DPP10: variants seen among roughly 807,000 people sequenced by gnomAD.
DPP10 encodes inactive dipeptidyl peptidase 10.
In DPP10, 33 loss-of-function variants were observed where a neutral mutation model predicts 120.9. The observed-to-expected ratio is 0.27, with a 90% CI of 0.21 to 0.37. The LOEUF is 0.37. Ranked by LOEUF, DPP10 falls within the 10% of genes least tolerant of loss-of-function variation. DPP10 has a pLI of 1.00. For synonymous variants in DPP10, 337 were observed against 326.1 expected, an observed-to-expected ratio of 1.03 and a Z score of -0.36; for missense variants, 816 against 942.8, an observed-to-expected ratio of 0.87 and a Z score of 1.76.
intron 1 of DPP10, among the ~76,000 whole-genome samples, chr2:114,825,935 T>C (rs1382446209): frequency 1.3e-5 from 2 of 152,198 alleles, no homozygotes; most frequent in African/African-American, 4.8e-5. Context: ...TTCTATTTTC[T>C]ACAAAGCTGT....
At chr2:115,315,299 A>G (rs2061742062) in intron 2 of DPP10, among the ~76,000 whole-genome samples, 1 of 151,766 alleles carries the variant, frequency 6.6e-6, no homozygotes, top group South Asian at 2.1e-4. Flanking sequence ...ACACACATAC[A>G]TCTATATGTA....
chr2:114,540,030 T>C (rs1008198066), intron 1 of DPP10, among the ~76,000 whole-genome samples: 1 of 152,182 alleles, frequency 6.6e-6, no homozygotes, highest in Non-Finnish European at 1.5e-5. Context: ...TTTTTAGTAT[T>C]AAAGTACATA....
chr2:115,836,822 C>T, intron 24 of DPP10, 76 bp downstream of exon 24: 1 of 1,370,382 alleles, frequency 7.3e-7, no homozygotes, highest in Non-Finnish European at 1.0e-6. Context: ...GACTTGCTTA[C>T]AGGAAGCCCT....
chr2:115,173,356 G>A lies in DPP10; in HGVS notation c.61-135883G>A, dbSNP rs75653438. ...GCAATTTTAGTTAAGGAAAACACAGGACAAAGCCATCATGATATAAAATTG... is the reference window on the plus strand; with the variant it reads ...GCAATTTTAGTTAAGGAAAACACAGAACAAAGCCATCATGATATAAAATTG... On this transcript the variant is annotated intron_variant, in intron 1 of 25. Coordinates refer to ENST00000410059, the MANE Select transcript of DPP10 (RefSeq NM_020868.6). Among the ~76,000 whole-genome samples, 769 of 152,126 alleles carry A rather than the reference G, an allele frequency of 5.1e-3. 6 individuals are homozygous for A. Among genetic ancestry groups the A allele is most frequent in the African/African-American group, 0.018 (746 of 41,532 alleles).
At chr2:114,557,628 T>C (rs1157900296) in intron 1 of DPP10, among the ~76,000 whole-genome samples, 2 of 152,162 alleles carry the variant, frequency 1.3e-5, no homozygotes, top group Non-Finnish European at 2.9e-5. Flanking sequence ...TGGGAAGGTG[T>C]CCAGAGATTG....
chr2:115,718,637 T>A (rs976110914), intron 7 of DPP10, among the ~76,000 whole-genome samples: 6 of 152,208 alleles, frequency 3.9e-5, no homozygotes, highest in Non-Finnish European at 5.9e-5. Context: ...TGGTTTTATT[T>A]TTCCTTATTC....
intron 5 of DPP10, among the ~76,000 whole-genome samples, chr2:115,558,638 GTA>G (rs1387218067): frequency 6.6e-6 from 1 of 152,032 alleles, no homozygotes; most frequent in Non-Finnish European, 1.5e-5. Context: ...ACTCATTATA[GTA>G]TATTCTACTT....
chr2:115,283,411 ATTC>A (rs927925987), intron 1 of DPP10, among the ~76,000 whole-genome samples: 1 of 152,008 alleles, frequency 6.6e-6, no homozygotes, highest in Non-Finnish European at 1.5e-5. Context: ...ACATTGGCTA[ATTC>A]TTCTCATACT....
chr2:114,466,167 G>A (rs1549731), intron 1 of DPP10, among the ~76,000 whole-genome samples: 3,103 of 152,200 alleles, frequency 0.02, 93 homozygotes, highest in African/African-American at 0.071. Flanking sequence ...ACTAAAACTT[G>A]TTTGGGAGAG....
intron 5 of DPP10, among the ~76,000 whole-genome samples, chr2:115,574,860 G>T (rs941437223): frequency 6.6e-6 from 1 of 152,086 alleles, no homozygotes; most frequent in Non-Finnish European, 1.5e-5. Flanking sequence ...AGTGTTGTCC[G>T]TGGCGGCTTG....
chr2:115,414,623 C>A (rs116008662), intron 3 of DPP10, among the ~76,000 whole-genome samples: 337 of 152,146 alleles, frequency 2.2e-3, no homozygotes, highest in Non-Finnish European at 3.9e-3. Context: ...ACATTTTGAG[C>A]GTGATATGTA....
intron 21 of DPP10, among the ~76,000 whole-genome samples, chr2:115,818,657 G>T (rs553117667): frequency 1.3e-5 from 2 of 152,268 alleles, no homozygotes; most frequent in East Asian, 3.9e-4. Flanking sequence ...GTTATTAGAA[G>T]AATGATAGGC....
At chr2:115,362,119 T>C (rs1434370397) in intron 3 of DPP10, among the ~76,000 whole-genome samples, 1 of 152,194 alleles carries the variant, frequency 6.6e-6, no homozygotes, top group Non-Finnish European at 1.5e-5. Context: ...TCAATTCGAA[T>C]GAGCCATTGA....
chr2:114,726,508 G>A (rs533783812), intron 1 of DPP10, among the ~76,000 whole-genome samples: 2 of 152,284 alleles, frequency 1.3e-5, no homozygotes, highest in East Asian at 1.9e-4. Flanking sequence ...AGTTAGGCCT[G>A]GTGGCACTGC....
At chr2:114,794,215 G>A (rs1353267022) in intron 1 of DPP10, among the ~76,000 whole-genome samples, 1 of 152,082 alleles carries the variant, frequency 6.6e-6, no homozygotes, top group Non-Finnish European at 1.5e-5. Flanking sequence ...TTGTCTAGAT[G>A]TGACTTTTGG....
At chr2:114,646,159 C>CAAATAAATAAATAAATAAAT (rs3029136) in intron 1 of DPP10, among the ~76,000 whole-genome samples, 2 of 140,724 alleles carry the variant, frequency 1.4e-5, no homozygotes, top group African/African-American at 2.7e-5. Flanking sequence ...GCCTCAGTCT[C>CAAATAAATAAATAAATAAAT]AAATAAATAA....
chr2:115,524,190 C>G (rs924008540), intron 4 of DPP10, among the ~76,000 whole-genome samples: 5 of 152,108 alleles, frequency 3.3e-5, no homozygotes, highest in Non-Finnish European at 7.4e-5. Context: ...AGTTAAGGAG[C>G]TCAATTCCCC....
In DPP10 at chr2:115,548,765, T is replaced by C. The variant is rs367545040; in HGVS notation, c.441+22793T>C. On this transcript the variant is annotated intron_variant, in intron 5 of 25. Coordinates refer to ENST00000410059, the MANE Select transcript of DPP10 (RefSeq NM_020868.6). ...AAACACATGTGAAATTTGAGACAGC[T>C]GTATATTCATTTGAAAATAGCATTC... Among the ~76,000 whole-genome samples the C allele has an allele frequency of 2.7e-4, 41 of 152,290 alleles. No individual in the cohort carries two copies. The East Asian group carries it at 7.7e-3, about 29-fold the overall frequency.
intron 3 of DPP10, among the ~76,000 whole-genome samples, chr2:115,447,926 G>A (rs957026732): frequency 1.3e-5 from 2 of 152,204 alleles, no homozygotes; most frequent in African/African-American, 4.8e-5. Context: ...ACCAAAAGGT[G>A]ATGGATAGGA....
Sources: gnomAD v4.1 joint callset for allele counts (sites outside exome capture counted in the v4.1 genomes callset) on GRCh38, gnomAD v4.1.1 for gene constraint, MANE v1.5 for transcripts, NCBI Gene and HGNC (gene_info 2026-07-23, HGNC 2026-07-21) for gene names.